Variants in HMCN1 observed in about 807,000 individuals in gnomAD.
The protein encoded by HMCN1 is hemicentin-1.
Under a neutral mutation model 625.9 loss-of-function variants are expected in HMCN1, and 321 were observed. That is an observed-to-expected ratio of 0.51 (90% CI 0.47 to 0.56). HMCN1 has a LOEUF of 0.56. Ranked by LOEUF, HMCN1 falls within the 20% of genes least tolerant of loss-of-function variation. The pLI is 0.00. For missense variants in HMCN1, 6,588 were observed against 6,887.3 expected (o/e 0.96, Z 1.54); for synonymous variants, 2,425 against 2,417.6 (o/e 1.00, Z -0.09).
At chr1:185,831,992 T>A (rs7554996) in intron 1 of HMCN1, among the ~76,000 whole-genome samples, 5,905 of 152,252 alleles carry the variant, frequency 0.039, 398 homozygotes, top group African/African-American at 0.13. Context: ...GGATATAGAT[T>A]GGCTGATCTA....
In HMCN1 at chr1:186,176,486, G is replaced by A. The variant is rs114388852; in HGVS notation, c.15943+1844G>A. Among the ~76,000 whole-genome samples, 877 of 152,278 alleles carry A rather than the reference G, an allele frequency of 5.8e-3. 9 individuals carry two copies. The highest frequency in any genetic ancestry group is 0.02 in the African/African-American group (842 of 41,562). Reference sequence around the variant, plus strand: ...CTGGTTTTCGTGTATTTAAGACTACGTATTCCCATATGATCTTTTTTGTTT... The same window carrying A: ...CTGGTTTTCGTGTATTTAAGACTACATATTCCCATATGATCTTTTTTGTTT... On this transcript the variant is annotated intron_variant, in intron 103 of 106. Coordinates refer to ENST00000271588, the MANE Select transcript of HMCN1 (RefSeq NM_031935.3).
intron 1 of HMCN1, among the ~76,000 whole-genome samples, chr1:185,830,153 T>C (rs777481685): frequency 2.0e-5 from 3 of 152,196 alleles, no homozygotes; most frequent in Non-Finnish European, 1.5e-5. Context: ...ATTAGACCTT[T>C]GTCAGATGGG....
chr1:185,954,548 A>G (rs892760466), intron 11 of HMCN1, among the ~76,000 whole-genome samples: 5 of 152,112 alleles, frequency 3.3e-5, no homozygotes, highest in African/African-American at 4.8e-5. Flanking sequence ...TTAAACAACA[A>G]TCAACAATTG....
Position 186,143,965 on chromosome 1 carries a change from C to T in HMCN1, c.13925-208C>T, listed in dbSNP as rs1009682343. 4.6e-5 allele frequency among the ~76,000 whole-genome samples: 7 copies of T among 152,272 alleles called. No individual in the cohort carries two copies. The East Asian group carries it at 1.3e-3, about 29-fold the overall frequency. The stretch of plus-strand genomic sequence containing the variant: ...AACATTTATCTTGGCATCAGGTAAG[C>T]CTTCTGAATTTCCCTATAGACACAA... On this transcript the variant is annotated intron_variant, in intron 89 of 106. Coordinates refer to ENST00000271588, the MANE Select transcript of HMCN1 (RefSeq NM_031935.3).
chr1:186,185,186 C>T (rs914144197), intron 105 of HMCN1, among the ~76,000 whole-genome samples: 2 of 152,194 alleles, frequency 1.3e-5, no homozygotes, highest in African/African-American at 2.4e-5. Context: ...ACTATGCACA[C>T]TGATGTGCGT....
intron 1 of HMCN1, among the ~76,000 whole-genome samples, chr1:185,787,177 G>T (rs1196287613): frequency 5.4e-5 from 8 of 149,394 alleles, no homozygotes; most frequent in Non-Finnish European, 1.2e-4. Flanking sequence ...GTGTGTGTGT[G>T]TGCATGCACG....
chr1:185,768,610 A>C (rs1656021901), intron 1 of HMCN1, among the ~76,000 whole-genome samples: 1 of 152,172 alleles, frequency 6.6e-6, no homozygotes, highest in Non-Finnish European at 1.5e-5. Flanking sequence ...AGGCATAAGG[A>C]ATTTAGGGCA....
chr1:185,889,362 G>C (rs1244160419), intron 4 of HMCN1, among the ~76,000 whole-genome samples: 3 of 146,968 alleles, frequency 2.0e-5, no homozygotes, highest in African/African-American at 8.2e-5. Flanking sequence ...TAGGAGTGGT[G>C]AGAGAGGGCA....
chr1:185,844,806 GTTTATCTA>G (rs1021738543), intron 1 of HMCN1, among the ~76,000 whole-genome samples: 2 of 152,114 alleles, frequency 1.3e-5, no homozygotes, highest in African/African-American at 4.8e-5. Flanking sequence ...GCCACTTTTA[GTTTATCTA>G]TTTTAAGAGT....
At chr1:185,864,418 AT>A in intron 2 of HMCN1, 51 bp from the exon 3 acceptor site, 1 of 1,584,368 alleles carries the variant, frequency 6.3e-7, no homozygotes. Context: ...TAACCAAAAT[AT>A]TCAATTGTTT....
intron 1 of HMCN1, among the ~76,000 whole-genome samples, chr1:185,780,884 C>G (rs1427975796): frequency 1.3e-5 from 2 of 152,102 alleles, no homozygotes; most frequent in African/African-American, 4.8e-5. Flanking sequence ...GGGAGGATTC[C>G]CTCTTTTTCT....
At chr1:185,822,700 A>T (rs1478041699) in intron 1 of HMCN1, among the ~76,000 whole-genome samples, 1 of 152,214 alleles carries the variant, frequency 6.6e-6, no homozygotes, top group African/African-American at 2.4e-5. Context: ...AGGGCAAAGT[A>T]GTTGCCTGGC....
At position 186,116,986 on chromosome 1, in the gene HMCN1, T is replaced by G; in HGVS notation, c.11562-8T>G. The stretch of plus-strand genomic sequence containing the variant: ...ATAGTATCTCATGCTTTGAAATGTG[T>G]CTTCTAGGCTCCTTTCTTCAGGTTC... On this transcript the variant is annotated splice_polypyrimidine_tract_variant and splice_region_variant and intron_variant, in intron 75 of 106. Coordinates refer to ENST00000271588, the MANE Select transcript of HMCN1 (RefSeq NM_031935.3). 1 of 1,612,628 alleles carries G rather than the reference T, an allele frequency of 6.2e-7. No individual in the cohort carries two copies. Among genetic ancestry groups the G allele is most frequent in the Admixed American group, 1.7e-5 (1 of 60,002 alleles).
At position 186,172,644 on chromosome 1, in the gene HMCN1, A is replaced by G. The variant is rs192138462; in HGVS notation, c.15814+513A>G. Among the ~76,000 whole-genome samples, 88 of 152,286 alleles carry G rather than the reference A, an allele frequency of 5.8e-4. 1 individual carries two copies. Among genetic ancestry groups the G allele is most frequent in the African/African-American group, 2.0e-3 (84 of 41,566 alleles). On this transcript the variant is annotated intron_variant, in intron 102 of 106. Coordinates refer to ENST00000271588, the MANE Select transcript of HMCN1 (RefSeq NM_031935.3). ...ACAAAGGTACATTATAGTTCTCCCT[A>G]CATTTGTTCTGTGTATGTCTAGGCT...
chr1:185,754,721 G>A (rs1655025663), intron 1 of HMCN1, among the ~76,000 whole-genome samples: 1 of 152,184 alleles, frequency 6.6e-6, no homozygotes, highest in African/African-American at 2.4e-5. Context: ...GATGGCAGAT[G>A]CCTGTAGTCC....
At chr1:186,069,105 C>T (rs1333149323) in intron 50 of HMCN1, among the ~76,000 whole-genome samples, 1 of 152,104 alleles carries the variant, frequency 6.6e-6, no homozygotes, top group East Asian at 1.9e-4. Flanking sequence ...TCACCCACTA[C>T]CCGAAACTTG....
chr1:186,099,047 A>G (rs896038069), intron 68 of HMCN1, among the ~76,000 whole-genome samples: 1 of 152,088 alleles, frequency 6.6e-6, no homozygotes, highest in African/African-American at 2.4e-5. Context: ...CAGTGGGTAC[A>G]AAGTTACAAT....
intron 100 of HMCN1, 146 bp from the exon 101 acceptor site, chr1:186,171,191 G>T: frequency 3.1e-6 from 2 of 636,104 alleles, no homozygotes; most frequent in South Asian, 3.4e-5. Context: ...TCAAGTATTT[G>T]GCAGATCACA....
chr1:185,798,414 TA>T (rs1218891948), intron 1 of HMCN1, among the ~76,000 whole-genome samples: 1 of 152,184 alleles, frequency 6.6e-6, no homozygotes, highest in Non-Finnish European at 1.5e-5. Flanking sequence ...TCTGGATGTC[TA>T]AATCTCTAGC....
Sources: gnomAD v4.1 joint callset for allele counts (sites outside exome capture counted in the v4.1 genomes callset) on GRCh38, gnomAD v4.1.1 for gene constraint, MANE v1.5 for transcripts, NCBI Gene and HGNC (gene_info 2026-07-23, HGNC 2026-07-21) for gene names.